Variants in PTPRD observed in about 807,000 individuals in gnomAD.
PTPRD encodes the protein protein tyrosine phosphatase receptor type D, also known as receptor-type tyrosine-protein phosphatase delta.
In PTPRD, 34 loss-of-function variants were observed where a neutral mutation model predicts 214.5. That is an observed-to-expected ratio of 0.16 (90% CI 0.12 to 0.21). PTPRD has a LOEUF of 0.21. Ranked by LOEUF, PTPRD falls within the 10% of genes least tolerant of loss-of-function variation. The pLI is 1.00. For missense variants in PTPRD, 2,545 were observed against 2,398.7 expected, an observed-to-expected ratio of 1.06 and a Z score of -1.27; for synonymous variants, 1,128 against 845.7, an observed-to-expected ratio of 1.33 and a Z score of -5.79.
chr9:8,773,906 C>G (rs1356495756), intron 11 of PTPRD, among the ~76,000 whole-genome samples: 1 of 152,188 alleles, frequency 6.6e-6, no homozygotes, highest in Non-Finnish European at 1.5e-5. Context: ...GTGATCAACA[C>G]AAATGTAATG....
At chr9:9,283,084 A>C (rs910247283) in intron 9 of PTPRD, among the ~76,000 whole-genome samples, 1 of 151,400 alleles carries the variant, frequency 6.6e-6, no homozygotes, top group Non-Finnish European at 1.5e-5. Flanking sequence ...AAAAAAACTC[A>C]TGTCATGGAA....
chr9:10,531,158 C>G (rs902147800), intron 2 of PTPRD, among the ~76,000 whole-genome samples: 56 of 152,200 alleles, frequency 3.7e-4, no homozygotes, highest in East Asian at 1.2e-3. Context: ...CCATGTTGGT[C>G]AGGCTGGTCT....
At chr9:9,326,921 A>G (rs138112965) in intron 9 of PTPRD, among the ~76,000 whole-genome samples, 1 of 152,184 alleles carries the variant, frequency 6.6e-6, no homozygotes, top group Non-Finnish European at 1.5e-5. Context: ...TTACCTATGT[A>G]TCAAAGCCTG....
intron 3 of PTPRD, among the ~76,000 whole-genome samples, chr9:10,098,825 C>A (rs1197717110): frequency 1.3e-5 from 2 of 151,740 alleles, no homozygotes; most frequent in African/African-American, 4.8e-5. Flanking sequence ...AACTGCGGTA[C>A]TGGAATTTGA....
chr9:10,583,696 T>C (rs761222298), intron 2 of PTPRD, among the ~76,000 whole-genome samples: 1 of 151,834 alleles, frequency 6.6e-6, no homozygotes, highest in Non-Finnish European at 1.5e-5. Context: ...GTCAGGATGG[T>C]CTCGATCTCC....
intron 2 of PTPRD, among the ~76,000 whole-genome samples, chr9:10,464,322 G>T (rs907996923): frequency 6.6e-6 from 1 of 152,058 alleles, no homozygotes; most frequent in South Asian, 2.1e-4. Context: ...TAAATTTGCA[G>T]TGTGCCGAGG....
chr9:8,978,399 A>G (rs1251589119), intron 11 of PTPRD, among the ~76,000 whole-genome samples: 1 of 152,128 alleles, frequency 6.6e-6, no homozygotes, highest in African/African-American at 2.4e-5. Context: ...TTAGCCTGGT[A>G]GTTTTCACAT....
chr9:8,781,441 C>T (rs2095692521), intron 11 of PTPRD, among the ~76,000 whole-genome samples: 1 of 152,114 alleles, frequency 6.6e-6, no homozygotes, highest in Non-Finnish European at 1.5e-5. Flanking sequence ...GTCAGGAGAC[C>T]TGTGTCCTAG....
intron 7 of PTPRD, among the ~76,000 whole-genome samples, chr9:9,605,342 C>T (rs562196314): frequency 6.6e-6 from 1 of 152,002 alleles, no homozygotes; most frequent in South Asian, 2.1e-4. Flanking sequence ...ATGTGCAGTC[C>T]CTGACCTATA....
chr9:8,441,418 C>T (rs1016265889), intron 34 of PTPRD, among the ~76,000 whole-genome samples: 3 of 152,076 alleles, frequency 2.0e-5, no homozygotes, highest in Non-Finnish European at 4.4e-5. Flanking sequence ...TCAACAGCCA[C>T]TCAAAATCCA....
chr9:9,271,819 T>C (rs562307493), intron 9 of PTPRD, among the ~76,000 whole-genome samples: 72 of 151,370 alleles, frequency 4.8e-4, no homozygotes, highest in Admixed American at 8.6e-4. Flanking sequence ...ACTTCTTCTA[T>C]TATATTCAAA....
rs1010887923 is a variant in PTPRD at position 9,148,981 on chromosome 9, C to T, written c.-143+34323G>A. Among the ~76,000 whole-genome samples, 49 of 152,170 alleles carry T rather than the reference C, an allele frequency of 3.2e-4. 1 individual carries two copies. Among genetic ancestry groups the T allele is most frequent in the Non-Finnish European group, 1.5e-5 (1 of 68,024 alleles). On this transcript the variant is annotated intron_variant, in intron 10 of 45. Transcript: ENST00000381196. ...CTGCCTTTGGAGACAGTAAGCAAAT[C>T]TGACAATGGATTTGGTTTTCCAAAG...
intron 8 of PTPRD, among the ~76,000 whole-genome samples, chr9:9,545,462 T>A (rs2078568741): frequency 6.6e-6 from 1 of 151,916 alleles, no homozygotes; most frequent in African/African-American, 2.4e-5. Context: ...TTCCTCCATG[T>A]TTTTAAAATT....
At chr9:10,228,250 A>C (rs1221094642) in intron 3 of PTPRD, among the ~76,000 whole-genome samples, 1 of 152,044 alleles carries the variant, frequency 6.6e-6, no homozygotes, top group Admixed American at 6.6e-5. Flanking sequence ...TATTTCCAAC[A>C]TTGAACCTCA....
chr9:9,292,276 T>C (rs540213066), intron 9 of PTPRD, among the ~76,000 whole-genome samples: 1 of 151,454 alleles, frequency 6.6e-6, no homozygotes, highest in Non-Finnish European at 1.5e-5. Flanking sequence ...TTTATCTCTA[T>C]TCTGTGATAG....
intron 14 of PTPRD, among the ~76,000 whole-genome samples, chr9:8,569,989 G>C (rs2154230542): frequency 6.6e-6 from 1 of 152,202 alleles, no homozygotes; most frequent in African/African-American, 2.4e-5. Flanking sequence ...AAAAACCACA[G>C]TTTCCGTAAT....
intron 34 of PTPRD, among the ~76,000 whole-genome samples, chr9:8,437,680 G>A (rs2095408404): frequency 1.3e-5 from 2 of 152,138 alleles, no homozygotes; most frequent in Non-Finnish European, 2.9e-5. Flanking sequence ...TCTACTTCAG[G>A]TGTAAACATC....
At chr9:8,947,788 A>G (rs1244690029) in intron 11 of PTPRD, among the ~76,000 whole-genome samples, 1 of 152,140 alleles carries the variant, frequency 6.6e-6, no homozygotes, top group Non-Finnish European at 1.5e-5. Flanking sequence ...CTACTGTGAC[A>G]GGATACAACA....
At chr9:9,642,477 G>C (rs992096419) in intron 7 of PTPRD, among the ~76,000 whole-genome samples, 1 of 152,022 alleles carries the variant, frequency 6.6e-6, no homozygotes, top group African/African-American at 2.4e-5. Flanking sequence ...TAGACATATA[G>C]CTTAGAAGGT....
Sources: allele counts gnomAD v4.1 joint callset (sites outside exome capture counted in the v4.1 genomes callset), GRCh38; gene constraint gnomAD v4.1.1; transcripts MANE v1.5; gene names NCBI Gene and HGNC (gene_info 2026-07-23, HGNC 2026-07-21).